Variants in ROBO1 observed in about 807,000 individuals in gnomAD.
ROBO1 encodes roundabout homolog 1.
In ROBO1, 149 loss-of-function variants were observed where a neutral mutation model predicts 195.9. That is an observed-to-expected ratio of 0.76 (90% confidence interval 0.67 to 0.87). ROBO1 has a LOEUF of 0.87. ROBO1 is among the 40% of genes least tolerant of loss of function. The pLI is 0.00. For missense variants in ROBO1, 1,933 were observed against 2,068.3 expected (o/e 0.93, Z 1.27); for synonymous variants, 816 against 733.2 (o/e 1.11, Z -1.82).
At chr3:79,730,476 T>C (rs900973703) in intron 1 of ROBO1, among the ~76,000 whole-genome samples, 2 of 152,198 alleles carry the variant, frequency 1.3e-5, no homozygotes, top group African/African-American at 2.4e-5. Flanking sequence ...TGGTATTCAT[T>C]TCATTCATTT....
intron 8 of ROBO1, chr3:78,693,262 T>C: frequency 1.3e-6 from 2 of 1,527,258 alleles, no homozygotes; most frequent in Non-Finnish European, 1.8e-6. Flanking sequence ...TTGAAGGACA[T>C]GGAAGGGTAT....
intron 2 of ROBO1, among the ~76,000 whole-genome samples, chr3:79,441,445 C>A (rs1171940641): frequency 6.6e-6 from 1 of 152,036 alleles, no homozygotes; most frequent in Non-Finnish European, 1.5e-5. Flanking sequence ...GCCATCATGG[C>A]CAATCAGTTT....
intron 2 of ROBO1, among the ~76,000 whole-genome samples, chr3:79,479,337 A>G (rs1938711699): frequency 6.6e-6 from 1 of 152,210 alleles, no homozygotes; most frequent in Non-Finnish European, 1.5e-5. Flanking sequence ...TGTGCAGGCT[A>G]GATCCCTCGC....
At chr3:79,064,742 C>T (rs987297964) in intron 3 of ROBO1, among the ~76,000 whole-genome samples, 3 of 151,818 alleles carry the variant, frequency 2.0e-5, no homozygotes, top group Non-Finnish European at 4.4e-5. Context: ...CTGAATAACC[C>T]AAATTTTTGA....
chr3:79,542,402 T>C (rs1168407078), intron 2 of ROBO1, among the ~76,000 whole-genome samples: 1 of 152,068 alleles, frequency 6.6e-6, no homozygotes, highest in Non-Finnish European at 1.5e-5. Context: ...AAAAGTATAA[T>C]TGTCACTTTC....
At chr3:79,711,195 T>G (rs1702260846) in intron 1 of ROBO1, among the ~76,000 whole-genome samples, 1 of 152,144 alleles carries the variant, frequency 6.6e-6, no homozygotes, top group Non-Finnish European at 1.5e-5. Context: ...TCTGTAGTCC[T>G]GGATTCATTT....
intron 4 of ROBO1, among the ~76,000 whole-genome samples, chr3:78,906,259 A>G (rs190209311): frequency 3.7e-3 from 564 of 152,200 alleles, no homozygotes; most frequent in Non-Finnish European, 5.5e-3. Context: ...TTTAAAAAGC[A>G]TATGTCACAG....
At chr3:78,629,094 C>T (rs1441024482) in intron 25 of ROBO1, among the ~76,000 whole-genome samples, 4 of 151,908 alleles carry the variant, frequency 2.6e-5, no homozygotes, top group East Asian at 3.9e-4. Context: ...GTCTCAGCTT[C>T]GTCTCGTTCC....
chr3:78,899,078 C>T (rs886462512), intron 4 of ROBO1, among the ~76,000 whole-genome samples: 1 of 152,158 alleles, frequency 6.6e-6, no homozygotes, highest in Non-Finnish European at 1.5e-5. Flanking sequence ...AGGACTGGTA[C>T]CCTAGTGTTT....
chr3:78,723,563 C>T (rs2082092211), intron 5 of ROBO1, among the ~76,000 whole-genome samples: 1 of 152,110 alleles, frequency 6.6e-6, no homozygotes, highest in African/African-American at 2.4e-5. Flanking sequence ...TCCTCCAAAA[C>T]AGCGGTTCTT....
chr3:79,479,492 T>C (rs1938722505), intron 2 of ROBO1, among the ~76,000 whole-genome samples: 1 of 152,138 alleles, frequency 6.6e-6, no homozygotes, highest in African/African-American at 2.4e-5. Context: ...GCCACGGACC[T>C]GTACTGGTCC....
At chr3:78,701,748 GTGCAA>G (rs1192907976) in intron 8 of ROBO1, among the ~76,000 whole-genome samples, 63 of 152,082 alleles carry the variant, frequency 4.1e-4, no homozygotes, top group Non-Finnish European at 1.0e-4. Flanking sequence ...AGGTTTAGTT[GTGCAA>G]TGCTCTAAAT....
intron 3 of ROBO1, among the ~76,000 whole-genome samples, chr3:78,995,858 T>A (rs905769886): frequency 1.3e-5 from 2 of 151,796 alleles, no homozygotes; most frequent in South Asian, 4.2e-4. Context: ...ATAAAAAGTG[T>A]GTACCTACAG....
intron 18 of ROBO1, among the ~76,000 whole-genome samples, chr3:78,653,681 C>T (rs749232632): frequency 1.1e-4 from 16 of 152,196 alleles, no homozygotes; most frequent in Non-Finnish European, 1.9e-4. Context: ...CTAAGCAACA[C>T]ACTGGGAGGT....
chr3:79,497,624 G>C (rs1939822847), intron 2 of ROBO1, among the ~76,000 whole-genome samples: 1 of 152,090 alleles, frequency 6.6e-6, no homozygotes, highest in South Asian at 2.1e-4. Context: ...GATGAAAAAA[G>C]ATTAAAATTT....
At chr3:78,971,790 GAGT>G in intron 3 of ROBO1, among the ~76,000 whole-genome samples, 1 of 152,026 alleles carries the variant, frequency 6.6e-6, no homozygotes, top group African/African-American at 2.4e-5. Context: ...TGTTTTGACA[GAGT>G]CTTGCACTGT....
At chr3:79,363,678 A>T (rs987323990) in intron 2 of ROBO1, among the ~76,000 whole-genome samples, 2 of 152,210 alleles carry the variant, frequency 1.3e-5, no homozygotes, top group African/African-American at 4.8e-5. Flanking sequence ...ATTCACATGC[A>T]CACACACAGA....
chr3:78,717,721 G>T (rs2081937313), intron 6 of ROBO1, 42 bp downstream of exon 6: 1 of 1,596,410 alleles, frequency 6.3e-7, no homozygotes, highest in Non-Finnish European at 8.5e-7. Flanking sequence ...AATGATAAGA[G>T]ATCTATTTTT....
At chr3:79,490,302 T>TC (rs1374222261) in intron 2 of ROBO1, among the ~76,000 whole-genome samples, 2 of 152,196 alleles carry the variant, frequency 1.3e-5, no homozygotes, top group Non-Finnish European at 2.9e-5. Flanking sequence ...GCCTTTGTCA[T>TC]CCCCATGGAC....
Sources: allele counts gnomAD v4.1 joint callset (sites outside exome capture counted in the v4.1 genomes callset), GRCh38; gene constraint gnomAD v4.1.1; transcripts MANE v1.5; gene names NCBI Gene and HGNC (gene_info 2026-07-23, HGNC 2026-07-21).